The following CTNND2 variants were observed in gnomAD, a reference collection of about 807,000 sequenced individuals.
The protein encoded by CTNND2 is catenin delta 2.
Under a neutral mutation model 144.4 loss-of-function variants are expected in CTNND2, and 22 were observed. The ratio of observed to expected loss-of-function variants is 0.15; its 90% CI spans 0.11 to 0.22. The LOEUF (loss-of-function observed/expected upper bound fraction) is 0.22, where lower values mean the gene tolerates loss of function less well. Ranked by LOEUF, CTNND2 falls within the 10% of genes least tolerant of loss-of-function variation. CTNND2 has a pLI of 1.00. For synonymous variants in CTNND2, 751 were observed against 695.6 expected, an observed-to-expected ratio of 1.08 and a Z score of -1.25; for missense variants, 1,353 against 1,618.8, an observed-to-expected ratio of 0.84 and a Z score of 2.82.
chr5:11,519,226 T>C (rs1772492672), intron 3 of CTNND2, among the ~76,000 whole-genome samples: 1 of 152,182 alleles, frequency 6.6e-6, no homozygotes, highest in Non-Finnish European at 1.5e-5. Flanking sequence ...ATAGCAACAA[T>C]TTACAGCTTC....
At position 11,903,753 on chromosome 5, in the gene CTNND2, G is replaced by A. The variant is rs1009094151; in HGVS notation, c.37+64C>T. ...CCAGGACCACCCCCACCAGCGGCAA[G>A]AGGAGGAGGACGGCGCCGGGAGGAG... On this transcript the variant is annotated intron_variant, in intron 1 of 21. Coordinates refer to ENST00000304623, the MANE Select transcript of CTNND2 (RefSeq NM_001332.4). The surrounding 1 kb of genome is among the most constrained non-coding windows in gnomAD (Gnocchi z 5.4). The A allele has an allele frequency of 4.4e-4, 640 of 1,441,580 alleles. 2 individuals carry two copies. Among genetic ancestry groups the A allele is most frequent in the Non-Finnish European group, 5.8e-4 (631 of 1,093,128 alleles). 89.3% of individuals were successfully genotyped at this position (1,441,580 alleles called of 1,614,324 possible). A position where few individuals can be genotyped will look rare whatever the true frequency, so the allele number is the denominator to read the frequency against.
chr5:11,776,006 G>A (rs931697304), intron 1 of CTNND2, among the ~76,000 whole-genome samples: 26 of 152,264 alleles, frequency 1.7e-4, no homozygotes, highest in African/African-American at 4.6e-4. Flanking sequence ...TGGCAATCAC[G>A]AGAAGCTGGA....
chr5:11,403,870 G>A (rs1760843670), intron 5 of CTNND2, among the ~76,000 whole-genome samples: 1 of 152,146 alleles, frequency 6.6e-6, no homozygotes, highest in South Asian at 2.1e-4. Context: ...TCACACATTT[G>A]CCCCCCGTTG....
At chr5:11,355,450 A>G (rs1755767365) in intron 8 of CTNND2, among the ~76,000 whole-genome samples, 1 of 152,180 alleles carries the variant, frequency 6.6e-6, no homozygotes, top group African/African-American at 2.4e-5. Context: ...TAAGTTGATA[A>G]AATTCAACAT....
intron 1 of CTNND2, among the ~76,000 whole-genome samples, chr5:11,869,866 A>G (rs966223007): frequency 6.6e-6 from 1 of 152,194 alleles, no homozygotes; most frequent in African/African-American, 2.4e-5. Flanking sequence ...GGGGTCACTA[A>G]GGTGTTAGGA....
intron 2 of CTNND2, among the ~76,000 whole-genome samples, chr5:11,727,379 T>C (rs1392674377): frequency 6.6e-6 from 1 of 152,188 alleles, no homozygotes; most frequent in African/African-American, 2.4e-5. Context: ...CCTTCCTTGT[T>C]ATAAACCATA....
At chr5:11,584,045 G>C (rs189133997) in intron 2 of CTNND2, among the ~76,000 whole-genome samples, 20 of 152,046 alleles carry the variant, frequency 1.3e-4, no homozygotes, top group African/African-American at 4.8e-4. Flanking sequence ...CCCCCACCTC[G>C]GCAAGTAAAT....
chr5:11,785,213 C>T (rs1016560796), intron 1 of CTNND2, among the ~76,000 whole-genome samples: 50 of 151,838 alleles, frequency 3.3e-4, no homozygotes, highest in African/African-American at 1.1e-3. Context: ...TTAATGTATC[C>T]CAACATTATA....
At chr5:11,334,362 A>G (rs1017463665) in intron 9 of CTNND2, among the ~76,000 whole-genome samples, 9 of 152,210 alleles carry the variant, frequency 5.9e-5, no homozygotes, top group African/African-American at 2.2e-4. Context: ...AGGTAATTTT[A>G]CATTACTCGT....
chr5:11,101,245 TA>T (rs1751848989), intron 14 of CTNND2, among the ~76,000 whole-genome samples: 2 of 152,164 alleles, frequency 1.3e-5, no homozygotes, highest in South Asian at 4.1e-4. Flanking sequence ...CATAAGTTAA[TA>T]GGGGGAAAAG....
chr5:11,662,235 ATATATATACATATATG>A (rs1561669449), intron 2 of CTNND2, among the ~76,000 whole-genome samples: 2,447 of 139,352 alleles, frequency 0.018, 101 homozygotes, highest in African/African-American at 0.064. Context: ...GTATATATGT[ATATATATACATATATG>A]TGTGTATATA....
chr5:11,200,826 C>G (rs190162404), intron 10 of CTNND2, among the ~76,000 whole-genome samples: 159 of 152,266 alleles, frequency 1.0e-3, no homozygotes, highest in African/African-American at 3.4e-3. Flanking sequence ...CTATAGGCGT[C>G]CGCCACCACG....
At chr5:11,101,884 C>CGTGTGT (rs1561304077) in intron 14 of CTNND2, among the ~76,000 whole-genome samples, 1 of 88,498 alleles carries the variant, frequency 1.1e-5, no homozygotes, top group African/African-American at 5.0e-5. Flanking sequence ...ATGACGACCA[C>CGTGTGT]ATATGTGTGT....
At chr5:11,315,095 C>G (rs1348217716) in intron 9 of CTNND2, among the ~76,000 whole-genome samples, 2 of 152,002 alleles carry the variant, frequency 1.3e-5, no homozygotes, top group East Asian at 3.8e-4. Flanking sequence ...GCTATGCTAG[C>G]AATGAGAACT....
At chr5:11,883,038 T>C (rs1736242571) in intron 1 of CTNND2, among the ~76,000 whole-genome samples, 1 of 152,182 alleles carries the variant, frequency 6.6e-6, no homozygotes, top group Non-Finnish European at 1.5e-5. Flanking sequence ...CTTTGTCAAA[T>C]GTATTCCTAA....
intron 3 of CTNND2, among the ~76,000 whole-genome samples, chr5:11,470,954 GTATATATATA>G (rs71595821): frequency 2.4e-4 from 15 of 63,250 alleles, no homozygotes; most frequent in South Asian, 7.9e-4. Flanking sequence ...TTGATACAAA[GTATATATATA>G]TATATATATA....
chr5:11,199,174 C>T (rs373501780), intron 11 of CTNND2, among the ~76,000 whole-genome samples: 29 of 152,236 alleles, frequency 1.9e-4, no homozygotes, highest in African/African-American at 5.8e-4. Context: ...GGGTATTGTA[C>T]GATGCTCAAC....
rs893976002 is a variant in CTNND2, at chr5:11,887,171, G to C, written c.37+16646C>G. On this transcript the variant is annotated intron_variant, in intron 1 of 21. Transcript: ENST00000304623. ...GCTAATTTTTTGTATTTTTAGAAGA[G>C]ATGGGGTTTAACCATGTTAGCCAGA... is the stretch of plus-strand genomic sequence containing the variant. 1.1e-4 allele frequency among the ~76,000 whole-genome samples: 17 copies of C among 152,006 alleles called. No individual in the cohort carries two copies. The East Asian group carries it at 1.2e-3, about 10-fold the overall frequency.
At chr5:11,311,677 TCTCA>T (rs1014846244) in intron 9 of CTNND2, among the ~76,000 whole-genome samples, 1 of 124,128 alleles carries the variant, frequency 8.1e-6, no homozygotes, top group African/African-American at 3.2e-5. Flanking sequence ...GTACATATGC[TCTCA>T]CACACTCACT....
Sources: gnomAD v4.1 joint callset for allele counts (sites outside exome capture counted in the v4.1 genomes callset) on GRCh38, gnomAD v4.1.1 for gene constraint, Gnocchi (gnomAD v3.1) non-coding constraint, MANE v1.5 for transcripts, NCBI Gene and HGNC (gene_info 2026-07-23, HGNC 2026-07-21) for gene names.